The following MCF2L variants were observed in gnomAD, a reference collection of about 807,000 sequenced individuals.
MCF2L encodes the protein guanine nucleotide exchange factor DBS.
MCF2L carries 97 observed loss-of-function variants against 153.4 expected under a neutral mutation model. The ratio of observed to expected loss-of-function variants is 0.63; its 90% CI spans 0.54 to 0.75. The LOEUF is 0.75. Among genes scored for constraint, MCF2L ranks in the 30% least tolerant of loss-of-function variants. MCF2L has a pLI of 0.00. For synonymous variants in MCF2L, 659 were observed against 632.2 expected (o/e 1.04, Z -0.64); for missense variants, 1,347 against 1,495.2 (o/e 0.90, Z 1.64).
At chr13:112,901,937 C>G (rs1403191079) in intron 1 of MCF2L, among the ~76,000 whole-genome samples, 1 of 152,234 alleles carries the variant, frequency 6.6e-6, no homozygotes, top group African/African-American at 2.4e-5. Flanking sequence ...TTTTCTTCAG[C>G]AGCAGAAGTT....
intron 19 of MCF2L, 21 bp from the exon 20 acceptor site, chr13:113,085,065 A>C: frequency 6.2e-7 from 1 of 1,613,392 alleles, no homozygotes; most frequent in Non-Finnish European, 8.5e-7. Flanking sequence ...GTGCAAACCA[A>C]AGGCTCTGGG....
intron 15 of MCF2L, 40 bp downstream of exon 15, chr13:113,078,779 A>G (rs1566857329): frequency 2.6e-6 from 4 of 1,545,540 alleles, no homozygotes; most frequent in Non-Finnish European, 3.5e-6. Flanking sequence ...GGGCCCTCCG[A>G]CCGCAGCCTG....
chr13:113,033,428 A>G (rs76618758), intron 3 of MCF2L, among the ~76,000 whole-genome samples: 2,165 of 20,804 alleles, frequency 0.1, 1 homozygote, highest in Middle Eastern at 0.19. Flanking sequence ...AGTGGCCCCC[A>G]TGATGTGAGT....
At position 112,943,661 on chromosome 13, in the gene MCF2L, C is replaced by T. The variant is rs995159276; in HGVS notation, c.169+41290C>T. ...TGCCGGCCAGTCCCTTACCCGGGGA[C>T]AGACGGGGAAGGCGGGAGCGCTCGC... On this transcript the variant is annotated intron_variant, in intron 2 of 29. Transcript: ENST00000375608. The surrounding 1 kb of genome is among the most constrained non-coding windows in gnomAD (Gnocchi z 4.2). Among the ~76,000 whole-genome samples, 4 of 152,124 alleles carry T rather than the reference C, an allele frequency of 2.6e-5. No individual in the cohort carries two copies. The highest frequency in any genetic ancestry group is 9.7e-5 in the African/African-American group (4 of 41,428).
At chr13:112,973,858 C>T (rs542589910) in intron 1 of MCF2L, among the ~76,000 whole-genome samples, 2 of 152,106 alleles carry the variant, frequency 1.3e-5, no homozygotes, top group African/African-American at 4.8e-5. Flanking sequence ...GGGATGCCTG[C>T]GAGGTGTGTT....
intron 2 of MCF2L, among the ~76,000 whole-genome samples, chr13:112,945,045 A>C (rs1384886335): frequency 6.8e-6 from 1 of 147,622 alleles, no homozygotes; most frequent in Admixed American, 6.9e-5. Flanking sequence ...AAGATGGTGC[A>C]GGGTGGGCCC....
intron 2 of MCF2L, chr13:112,909,224 G>A (rs1315420114): frequency 1.4e-5 from 11 of 779,644 alleles, no homozygotes; most frequent in African/African-American, 3.4e-5. Context: ...CTCCCCAGAT[G>A]TCTAATCCCT....
At chr13:112,975,161 T>G (rs1039644918) in intron 1 of MCF2L, among the ~76,000 whole-genome samples, 3 of 152,212 alleles carry the variant, frequency 2.0e-5, no homozygotes, top group Non-Finnish European at 4.4e-5. Context: ...TTACGCCTTT[T>G]GGAATGTTTA....
chr13:113,017,369 G>T (rs779315023), intron 2 of MCF2L, among the ~76,000 whole-genome samples: 4 of 152,330 alleles, frequency 2.6e-5, no homozygotes, highest in Admixed American at 2.6e-4. Context: ...TCTTCATGCA[G>T]CCGCCTCACC....
chr13:113,019,135 C>T (rs1476928232), intron 2 of MCF2L, among the ~76,000 whole-genome samples: 2 of 152,240 alleles, frequency 1.3e-5, no homozygotes, highest in Non-Finnish European at 2.9e-5. Context: ...TCTCCCACCC[C>T]ATTTCGGTTT....
chr13:112,910,901 G>A (rs1433346187), intron 2 of MCF2L, among the ~76,000 whole-genome samples: 4 of 151,666 alleles, frequency 2.6e-5, no homozygotes, highest in East Asian at 1.9e-4. Context: ...GGGAGAATTC[G>A]TCTGAAATTC....
intron 3 of MCF2L, among the ~76,000 whole-genome samples, chr13:113,033,253 A>G (rs866386793): frequency 0.052 from 468 of 9,030 alleles, 3 homozygotes; most frequent in Non-Finnish European, 0.065. Flanking sequence ...CCCCCGTGAC[A>G]TTAGTGGACC....
At chr13:113,025,824 G>T (rs2085239137) in intron 3 of MCF2L, among the ~76,000 whole-genome samples, 1 of 149,828 alleles carries the variant, frequency 6.7e-6, no homozygotes, top group South Asian at 2.1e-4. Flanking sequence ...GTGGGTCGGG[G>T]CAGAGTCTCT....
intron 1 of MCF2L, among the ~76,000 whole-genome samples, chr13:113,007,864 G>A (rs976624498): frequency 2.6e-4 from 40 of 151,656 alleles, no homozygotes; most frequent in Admixed American, 2.6e-4. Flanking sequence ...GAGCCGTCAC[G>A]TGACAAACTT....
intron 3 of MCF2L, among the ~76,000 whole-genome samples, chr13:113,033,351 A>T (rs75591362): frequency 7.3e-5 from 1 of 13,700 alleles, no homozygotes; most frequent in Non-Finnish European, 1.4e-4. Flanking sequence ...ACATTAGTGG[A>T]CCCCGTGGCG....
Position 112,990,024 on chromosome 13 carries a change from C to A in MCF2L, c.79+20566C>A, listed in dbSNP as rs561255367. Among the ~76,000 whole-genome samples the A allele has an allele frequency of 7.2e-5, 11 of 152,318 alleles. No individual in the cohort carries two copies. In the East Asian group the frequency reaches 1.5e-3, roughly 21 times the overall value. ...GAATCAAACGCCACTGCTGATCTGA[C>A]AGGAGGCGGAGCTCAGGCAGTCCTC... On this transcript the variant is annotated intron_variant, in intron 1 of 29. Transcript: ENST00000535094.
intron 2 of MCF2L, among the ~76,000 whole-genome samples, chr13:113,015,212 C>T (rs544733996): frequency 7.8e-4 from 119 of 152,352 alleles, no homozygotes; most frequent in African/African-American, 2.7e-3. Flanking sequence ...TCCCAGGCCA[C>T]GCCTCTGTCC....
In MCF2L at chr13:112,900,660, C is replaced by T. The variant is rs137921713; in HGVS notation, c.-4-1539C>T. 4.0e-3 allele frequency among the ~76,000 whole-genome samples: 602 copies of T among 152,134 alleles called. 7 individuals carry two copies. Among genetic ancestry groups the T allele is most frequent in the African/African-American group, 0.014 (583 of 41,512 alleles). On this transcript the variant is annotated intron_variant, in intron 1 of 29. Transcript: ENST00000375608. ...AAGAGGGGCGGGTGGAGAAGCACAG[C>T]CTCTGCTGTGAGGGGCATGGGTGTG...
At chr13:112,924,646 AC>A (rs1211114165) in intron 2 of MCF2L, among the ~76,000 whole-genome samples, 9 of 152,254 alleles carry the variant, frequency 5.9e-5, no homozygotes, top group African/African-American at 2.2e-4. Context: ...GCTCCACATG[AC>A]AAAGACATCA....
Sources: gnomAD v4.1 joint callset for allele counts (sites outside exome capture counted in the v4.1 genomes callset) on GRCh38, gnomAD v4.1.1 for gene constraint, Gnocchi (gnomAD v3.1) non-coding constraint, MANE v1.5 for transcripts, NCBI Gene and HGNC (gene_info 2026-07-23, HGNC 2026-07-21) for gene names.